The following THRAP3 variants were observed in gnomAD, a reference collection of about 807,000 sequenced individuals.
The protein encoded by THRAP3 is thyroid hormone receptor associated protein 3, also known as thyroid hormone receptor-associated protein 3.
Under a neutral mutation model 101.0 loss-of-function variants are expected in THRAP3, and 16 were observed. The ratio of observed to expected loss-of-function variants is 0.16; its 90% CI spans 0.11 to 0.24. THRAP3 has a LOEUF of 0.24. THRAP3 is among the 10% of genes least tolerant of loss of function. THRAP3 has a pLI of 1.00. For synonymous variants in THRAP3, 407 were observed against 422.6 expected (o/e 0.96, Z 0.45); for missense variants, 989 against 1,202.7 (o/e 0.82, Z 2.63).
At chr1:36,270,003 A>G (rs1419993473) in intron 2 of THRAP3, among the ~76,000 whole-genome samples, 1 of 152,200 alleles carries the variant, frequency 6.6e-6, no homozygotes, top group Non-Finnish European at 1.5e-5. Flanking sequence ...CCTGCAGAGT[A>G]TTGATAATGT....
rs925175893 is a variant in THRAP3, at chr1:36,304,463, T to C, written c.*446T>C. The C allele has an allele frequency of 5.3e-5, 12 of 225,412 alleles. No homozygotes were observed. Among genetic ancestry groups the C allele is most frequent in the Non-Finnish European group, 8.8e-5 (10 of 113,600 alleles). The allele number at this position is 225,412 out of a possible 1,614,324, so 14.0% of individuals were successfully genotyped here. A position where few individuals can be genotyped will look rare whatever the true frequency, so the allele number is the denominator to read the frequency against. The stretch of plus-strand genomic sequence containing the variant: ...GCCCCCTCCTTTTTTTTTTTTTTTT[T>C]CTTTTTTTAGGCATATGTAGTAATA... On this transcript the variant is annotated 3_prime_UTR_variant, in exon 12 of 12. Coordinates refer to ENST00000354618, the MANE Select transcript of THRAP3 (RefSeq NM_005119.4).
intron 1 of THRAP3, among the ~76,000 whole-genome samples, chr1:36,246,612 G>A (rs751986430): frequency 6.6e-6 from 1 of 152,154 alleles, no homozygotes; most frequent in Non-Finnish European, 1.5e-5. Flanking sequence ...GGAGGCTGAA[G>A]CAGGCAGATC....
intron 1 of THRAP3, among the ~76,000 whole-genome samples, chr1:36,229,017 A>G (rs577182087): frequency 6.6e-6 from 1 of 152,272 alleles, no homozygotes; most frequent in Non-Finnish European, 1.5e-5. Context: ...GAAAAAGGTA[A>G]TTGCTCAAGG....
At chr1:36,242,614 G>T (rs1176575961) in intron 1 of THRAP3, among the ~76,000 whole-genome samples, 1 of 151,838 alleles carries the variant, frequency 6.6e-6, no homozygotes, top group Non-Finnish European at 1.5e-5. Context: ...CACCACGCTC[G>T]GCTAATTTTT....
the THRAP3 span, among the ~76,000 whole-genome samples, chr1:36,214,773 C>T: frequency 1.3e-5 from 2 of 149,518 alleles, no homozygotes; most frequent in African/African-American, 4.9e-5. Flanking sequence ...GCAGGAGAAT[C>T]GCTTGAACCC....
intron 5 of THRAP3, among the ~76,000 whole-genome samples, chr1:36,290,862 T>C (rs1376911470): frequency 6.6e-6 from 1 of 152,156 alleles, no homozygotes; most frequent in African/African-American, 2.4e-5. Flanking sequence ...TTTTACTTGG[T>C]GTAAACTACT....
intron 2 of THRAP3, among the ~76,000 whole-genome samples, chr1:36,260,580 T>C (rs1474626432): frequency 6.6e-6 from 1 of 152,170 alleles, no homozygotes; most frequent in Admixed American, 6.6e-5. Flanking sequence ...CTCAGCACTT[T>C]GGGAGGCCGA....
chr1:36,220,951 C>T (rs149171200), upstream of THRAP3, among the ~76,000 whole-genome samples: 1 of 54,364 alleles, frequency 1.8e-5, no homozygotes, highest in Non-Finnish European at 2.9e-5. Context: ...GTGAGACTGT[C>T]TCAAAAAAAA....
In THRAP3 at chr1:36,289,046, GT is replaced by G; in HGVS notation, c.1041-9del. 1 of 1,552,338 alleles carries G rather than the reference GT, an allele frequency of 6.4e-7. No individual in the cohort carries two copies. The highest frequency in any genetic ancestry group is 1.8e-4 in the Middle Eastern group (1 of 5,430). Reference sequence around the variant, plus strand: ...GAAGCCTCTTGTGTCTCTCTCTTGTGTTTTTATAAATAGGTATCTAGAAGAG... The same window carrying G: ...GAAGCCTCTTGTGTCTCTCTCTTGTGTTTTATAAATAGGTATCTAGAAGAG... On this transcript the variant is annotated splice_polypyrimidine_tract_variant and intron_variant, in intron 4 of 11. Coordinates refer to ENST00000354618, the MANE Select transcript of THRAP3 (RefSeq NM_005119.4).
chr1:36,224,329 T>A (rs1013279924), upstream of THRAP3: 1 of 152,324 alleles, frequency 6.6e-6, no homozygotes, highest in African/African-American at 2.4e-5. Context: ...GTAGTTCTGA[T>A]GGCAGCCAAG....
At chr1:36,239,660 G>A (rs1645132276) in intron 1 of THRAP3, among the ~76,000 whole-genome samples, 1 of 152,144 alleles carries the variant, frequency 6.6e-6, no homozygotes, top group Non-Finnish European at 1.5e-5. Flanking sequence ...TTCTAGCAGG[G>A]ATGGCAATAT....
At chr1:36,232,834 G>A (rs1570228668) in intron 1 of THRAP3, among the ~76,000 whole-genome samples, 1 of 151,794 alleles carries the variant, frequency 6.6e-6, no homozygotes, top group African/African-American at 2.4e-5. Context: ...TTTGGTCGTG[G>A]TGGTGGTTAC....
At chr1:36,236,090 T>TAA (rs562876630) in intron 1 of THRAP3, among the ~76,000 whole-genome samples, 4,798 of 141,976 alleles carry the variant, frequency 0.034, 245 homozygotes, top group African/African-American at 0.12. Context: ...CTACTAAAAA[T>TAA]AAAAAAAAAA....
intron 1 of THRAP3, among the ~76,000 whole-genome samples, chr1:36,236,740 C>T (rs180840401): frequency 7.2e-5 from 11 of 152,228 alleles, no homozygotes; most frequent in African/African-American, 1.4e-4. Context: ...ACTAATTAAA[C>T]TCTACCTCTC....
intron 1 of THRAP3, among the ~76,000 whole-genome samples, chr1:36,248,303 G>A (rs1645255981): frequency 6.6e-6 from 1 of 152,078 alleles, no homozygotes; most frequent in Non-Finnish European, 1.5e-5. Flanking sequence ...CTTTGACTGA[G>A]TTTTGAATAC....
Position 36,289,161 on chromosome 1 carries a change from C to G in THRAP3, c.1142C>G (p.Thr381Arg). The G allele has an allele frequency of 1.2e-6, 2 of 1,613,650 alleles. No individual in the cohort carries two copies. The highest frequency in any genetic ancestry group is 1.7e-6 in the Non-Finnish European group (2 of 1,179,964). Residue 381 changes from threonine (T) to arginine (R), a missense_variant, in exon 5 of 12, where the codon ACA (threonine) becomes AGA (arginine). By Grantham distance (71) the Thr-to-Arg change is moderately conservative. Transcript: ENST00000354618. ...KIKEKGSFSD[T>R]GLGDGKMKSD... is the part of the protein sequence containing the mutation. Reference sequence around the variant, plus strand: ...AAAGAGAAAGGGAGCTTCTCTGACACAGGCTTGGGTGATGGAAAAATGAAA... The same window carrying G: ...AAAGAGAAAGGGAGCTTCTCTGACAGAGGCTTGGGTGATGGAAAAATGAAA...
chr1:36,274,201 G>T (rs570776812), intron 2 of THRAP3, among the ~76,000 whole-genome samples: 10 of 152,044 alleles, frequency 6.6e-5, no homozygotes, highest in Non-Finnish European at 1.3e-4. Context: ...AATTTCATTT[G>T]CAGTAGCAAC....
At chr1:36,277,310 C>G (rs1645673501) in intron 2 of THRAP3, among the ~76,000 whole-genome samples, 1 of 151,426 alleles carries the variant, frequency 6.6e-6, no homozygotes, top group Non-Finnish European at 1.5e-5. Context: ...GAGTCTTGCT[C>G]TGTCACCCAG....
intron 9 of THRAP3, among the ~76,000 whole-genome samples, chr1:36,298,691 G>A (rs967287388): frequency 7.2e-5 from 11 of 151,958 alleles, no homozygotes; most frequent in African/African-American, 4.8e-5. Flanking sequence ...TTGTAGAGAC[G>A]AGGGCTTGCT....
Sources: allele counts gnomAD v4.1 joint callset (sites outside exome capture counted in the v4.1 genomes callset), GRCh38; gene constraint gnomAD v4.1.1; transcripts MANE v1.5; gene names NCBI Gene and HGNC (gene_info 2026-07-23, HGNC 2026-07-21).